AVEN: variants seen among roughly 807,000 people sequenced by gnomAD.
The protein encoded by AVEN is cell death regulator Aven.
Under a neutral mutation model 38.1 loss-of-function variants are expected in AVEN, and 41 were observed. The observed-to-expected ratio is 1.08, with a 90% CI of 0.84 to 1.40. The LOEUF is 1.40. AVEN is among the 40% of genes most tolerant of loss of function. AVEN has a pLI of 0.00. For synonymous variants in AVEN, 206 were observed against 171.8 expected, an observed-to-expected ratio of 1.20 and a Z score of -1.56; for missense variants, 605 against 438.8, an observed-to-expected ratio of 1.38 and a Z score of -3.38.
At chr15:33,886,107 C>T (rs1410076391) in intron 2 of AVEN, among the ~76,000 whole-genome samples, 1 of 152,102 alleles carries the variant, frequency 6.6e-6, no homozygotes, top group Non-Finnish European at 1.5e-5. Context: ...AGACCTGTAC[C>T]TGTATATCAC....
At chr15:33,962,446 C>T (rs893444118) in intron 2 of AVEN, among the ~76,000 whole-genome samples, 1 of 152,152 alleles carries the variant, frequency 6.6e-6, no homozygotes, top group African/African-American at 2.4e-5. Flanking sequence ...ACACTTCTCT[C>T]CCCATCATAC....
intron 5 of AVEN, chr15:34,062,786 A>C: frequency 6.2e-7 from 1 of 1,614,210 alleles, no homozygotes; most frequent in Non-Finnish European, 8.5e-7. Context: ...AGCCTTTGGA[A>C]CGCCACAGGT....
At position 33,973,139 on chromosome 15, in the gene AVEN, A is replaced by C. The variant is rs79409428; in HGVS notation, c.445+29893T>G. On this transcript the variant is annotated intron_variant, in intron 2 of 5. Transcript: ENST00000306730. ...CCAATCAGAAAACATTACCACTTTT[A>C]TAGACATTGTTTGACGTCACACTGT... Among the ~76,000 whole-genome samples the C allele has an allele frequency of 6.0e-4, 91 of 152,360 alleles. 3 individuals are homozygous for C. The East Asian group carries it at 0.017, about 28-fold the overall frequency.
chr15:33,854,385 C>G (rs1274169799), downstream of AVEN: 6 of 1,567,146 alleles, frequency 3.8e-6, no homozygotes, highest in Admixed American at 1.9e-5. Flanking sequence ...TTGTTCTTCT[C>G]TAGGCTAAGT....
chr15:34,036,629 C>A (rs920347041), intron 1 of AVEN, among the ~76,000 whole-genome samples: 2 of 152,130 alleles, frequency 1.3e-5, no homozygotes, highest in Non-Finnish European at 2.9e-5. Context: ...TTAGAGATGA[C>A]CAATCCAAAC....
chr15:33,854,960 G>GA (rs2079491058), downstream of AVEN: 2 of 1,522,768 alleles, frequency 1.3e-6, no homozygotes, highest in South Asian at 1.3e-5. Flanking sequence ...ATATGCACAG[G>GA]AAAAAAAGAA....
chr15:33,852,420 G>C, the AVEN span: 1 of 152,188 alleles, frequency 6.6e-6, no homozygotes, highest in South Asian at 2.1e-4. Flanking sequence ...GGGATGCTAG[G>C]GGATGGTACA....
rs556791734 is a variant in AVEN, at chr15:33,955,290, C to T, written c.445+47742G>A. 2.0e-5 allele frequency among the ~76,000 whole-genome samples: 3 copies of T among 151,934 alleles called. No homozygotes were observed. In the South Asian group the frequency reaches 6.2e-4, roughly 32 times the overall value. On this transcript the variant is annotated intron_variant, in intron 2 of 5. Coordinates refer to ENST00000306730, the MANE Select transcript of AVEN (RefSeq NM_020371.3). ...TTTAAAAAAAAATCTAGATAGCAAC[C>T]AAATTGTGAGTGAGAAGGAAAATGT... is the stretch of plus-strand genomic sequence containing the variant.
intron 11 of AVEN, chr15:33,859,571 C>T (rs754387716): frequency 6.2e-7 from 1 of 1,613,684 alleles, no homozygotes; most frequent in Non-Finnish European, 8.5e-7. Context: ...TTTTTCTTCT[C>T]TAGTGTTACC....
At chr15:33,868,864 G>T (rs1481562172) in intron 4 of AVEN, among the ~76,000 whole-genome samples, 1 of 152,104 alleles carries the variant, frequency 6.6e-6, no homozygotes, top group South Asian at 2.1e-4. Context: ...ATACTTACAT[G>T]TGCACTTTTC....
At chr15:33,907,637 C>T (rs1892756588) in intron 2 of AVEN, among the ~76,000 whole-genome samples, 1 of 152,156 alleles carries the variant, frequency 6.6e-6, no homozygotes, top group Non-Finnish European at 1.5e-5. Flanking sequence ...TTCCCCTCAC[C>T]TCTCCATTCT....
At chr15:33,944,920 A>G (rs1894454218) in intron 2 of AVEN, among the ~76,000 whole-genome samples, 1 of 152,212 alleles carries the variant, frequency 6.6e-6, no homozygotes, top group African/African-American at 2.4e-5. Flanking sequence ...CTTAAGGTAC[A>G]TGTTAGCTTG....
chr15:33,869,375 A>T (rs955302371), intron 4 of AVEN, among the ~76,000 whole-genome samples: 2 of 152,170 alleles, frequency 1.3e-5, no homozygotes, highest in African/African-American at 2.4e-5. Context: ...CTGACATTAC[A>T]ACCTTCACTT....
At position 33,928,072 on chromosome 15, in the gene AVEN, C is replaced by T. The variant is rs371225661; in HGVS notation, c.446-52077G>A. On this transcript the variant is annotated intron_variant, in intron 2 of 5. Coordinates refer to ENST00000306730, the MANE Select transcript of AVEN (RefSeq NM_020371.3). ...TATAAAGAAGCTAATCCATGCGAAA[C>T]TTTTCCAACCACCACGTGGGTAAAA... Among the ~76,000 whole-genome samples, 65 of 152,284 alleles carry T rather than the reference C, an allele frequency of 4.3e-4. No individual in the cohort carries two copies. In the South Asian group the frequency reaches 7.0e-3, roughly 16 times the overall value.
intron 5 of AVEN, among the ~76,000 whole-genome samples, chr15:34,045,035 G>A (rs767670866): frequency 3.3e-5 from 5 of 152,180 alleles, no homozygotes; most frequent in South Asian, 2.1e-4. Flanking sequence ...GCGACAGAGC[G>A]AGACTCTGTC....
intron 2 of AVEN, among the ~76,000 whole-genome samples, chr15:34,001,978 A>G (rs1016177429): frequency 6.6e-6 from 1 of 152,176 alleles, no homozygotes; most frequent in African/African-American, 2.4e-5. Context: ...ATATCTTTTT[A>G]ACCTGGCAAT....
chr15:33,857,743 C>G (rs1348754415), downstream of AVEN: 1 of 1,612,662 alleles, frequency 6.2e-7, no homozygotes, highest in Admixed American at 1.7e-5. Context: ...TAGAGAAGAC[C>G]CCACTCCTTT....
chr15:33,864,869 G>GCAAA (rs907230651), downstream of AVEN: 2 of 427,122 alleles, frequency 4.7e-6, no homozygotes, highest in Non-Finnish European at 8.3e-6. Flanking sequence ...ATGTTTAGTG[G>GCAAA]CAAACATTGA....
Position 34,038,894 on chromosome 15 carries a change from C to A in AVEN, c.153G>T (p.Arg51=), listed in dbSNP as rs1899311329. 6.2e-6 allele frequency: 7 copies of A among 1,131,728 alleles called. No individual in the cohort carries two copies. Among genetic ancestry groups the A allele is most frequent in the Middle Eastern group, 3.8e-4 (1 of 2,640 alleles). 70.1% of individuals were successfully genotyped at this position (1,131,728 alleles called of 1,614,324 possible). ...GGGGGDGGGR[R]GRGRGRGFRG... is the part of the protein sequence containing the mutation. ...GGAAGCCCCGGCCACGGCCACGGCCCCGGCGTCCGCCTCCGTCCCCGCCGC... is the reference window on the plus strand; with the variant it reads ...GGAAGCCCCGGCCACGGCCACGGCCACGGCGTCCGCCTCCGTCCCCGCCGC... Residue 51 remains arginine (R), a synonymous_variant, in exon 1 of 6, where the codon CGG becomes CGT. Coordinates refer to ENST00000306730, the MANE Select transcript of AVEN (RefSeq NM_020371.3).
Sources: allele counts gnomAD v4.1 joint callset (sites outside exome capture counted in the v4.1 genomes callset), GRCh38; gene constraint gnomAD v4.1.1; transcripts MANE v1.5; gene names NCBI Gene and HGNC (gene_info 2026-07-23, HGNC 2026-07-21).